The following LPP variants were observed in gnomAD, a reference collection of about 807,000 sequenced individuals.
LPP encodes the protein lipoma-preferred partner.
Under a neutral mutation model 60.4 loss-of-function variants are expected in LPP, and 38 were observed. The observed-to-expected ratio is 0.63, with a 90% CI of 0.49 to 0.83. LPP has a LOEUF of 0.83. LPP is among the 40% of genes least tolerant of loss of function. LPP has a pLI of 0.00. For missense variants in LPP, 902 were observed against 783.6 expected, an observed-to-expected ratio of 1.15 and a Z score of -1.80; for synonymous variants, 328 against 290.8, an observed-to-expected ratio of 1.13 and a Z score of -1.30.
intron 4 of LPP, among the ~76,000 whole-genome samples, chr3:188,472,102 A>C (rs1166879739): frequency 2.6e-5 from 4 of 152,220 alleles, no homozygotes. Flanking sequence ...TCAAATCACT[A>C]AAATTACTAA....
At chr3:188,347,492 G>C (rs985979711) in intron 3 of LPP, among the ~76,000 whole-genome samples, 2 of 152,178 alleles carry the variant, frequency 1.3e-5, no homozygotes, top group Non-Finnish European at 1.5e-5. Context: ...GAGATGAGGA[G>C]ATGAAGAGTA....
In LPP at chr3:188,282,178, A is replaced by G. The variant is rs1209611333; in HGVS notation, c.-67+56651A>G. 3.6e-5 allele frequency among the ~76,000 whole-genome samples: 5 copies of G among 137,196 alleles called. No homozygotes were observed. The Admixed American group carries it at 3.7e-4, about 10-fold the overall frequency. The allele number at this position is 137,196 out of a possible 152,430, so 90.0% of individuals were successfully genotyped here. ...TTCATACTTTCTTTATTATATTTTT[A>G]GTCTCTTGTCTTTAGCTTAATATGG... On this transcript the variant is annotated intron_variant, in intron 2 of 11. Coordinates refer to ENST00000617246, the MANE Select transcript of LPP (RefSeq NM_001375462.1).
intron 6 of LPP, among the ~76,000 whole-genome samples, chr3:188,594,348 T>G (rs560021659): frequency 6.6e-6 from 1 of 152,266 alleles, no homozygotes; most frequent in South Asian, 2.1e-4. Context: ...AGGACCCTGG[T>G]TCCCTGCTCT....
rs11448997 is a variant in LPP at position 188,878,759 on chromosome 3, TAAA to T, written c.*4294_*4296del. On this transcript the variant is annotated 3_prime_UTR_variant, in exon 12 of 12. Transcript: ENST00000617246. ...ATATACTCACCAAAAAGTAAAAAAG[TAAA>T]AAAAAAAAAAAAAGAAAGAAAGAAA... The T allele has an allele frequency of 3.3e-4, 52 of 156,504 alleles. No individual in the cohort carries two copies. The highest frequency in any genetic ancestry group is 9.2e-4 in the African/African-American group (32 of 34,918). The allele number at this position is 156,504 out of a possible 1,614,324, so 9.7% of individuals were successfully genotyped here. A position where few individuals can be genotyped will look rare whatever the true frequency, so the allele number is the denominator to read the frequency against.
At chr3:188,512,339 C>T (rs892689163) in intron 5 of LPP, among the ~76,000 whole-genome samples, 1 of 152,150 alleles carries the variant, frequency 6.6e-6, no homozygotes, top group Middle Eastern at 3.4e-3. Flanking sequence ...GGGTGGATCG[C>T]CTGAGGTCAG....
At chr3:188,417,799 GA>G (rs911884210) in intron 4 of LPP, among the ~76,000 whole-genome samples, 21 of 152,194 alleles carry the variant, frequency 1.4e-4, no homozygotes, top group African/African-American at 4.8e-4. Flanking sequence ...AGGCAAGAAA[GA>G]AAAAGCAAAA....
At chr3:188,545,844 G>A (rs1826500272) in intron 6 of LPP, among the ~76,000 whole-genome samples, 2 of 152,060 alleles carry the variant, frequency 1.3e-5, no homozygotes, top group Non-Finnish European at 2.9e-5. Flanking sequence ...GGTCCACCTG[G>A]GCTCAAAGAC....
intron 2 of LPP, among the ~76,000 whole-genome samples, chr3:188,280,071 A>G (rs1260804132): frequency 6.6e-6 from 1 of 152,170 alleles, no homozygotes. Flanking sequence ...TTAAGAGTTT[A>G]ATCAGGCCTG....
chr3:188,321,704 A>C (rs1757004581), intron 2 of LPP, among the ~76,000 whole-genome samples: 1 of 152,176 alleles, frequency 6.6e-6, no homozygotes, highest in African/African-American at 2.4e-5. Flanking sequence ...CCAGCCTTTG[A>C]GCTCTTTGAA....
chr3:188,554,873 A>C (rs768599054), intron 6 of LPP, among the ~76,000 whole-genome samples: 1 of 152,168 alleles, frequency 6.6e-6, no homozygotes, highest in Non-Finnish European at 1.5e-5. Context: ...GGGTACAGCT[A>C]TGCATAAAAC....
Position 188,253,245 on chromosome 3 carries a change from A to C in LPP, c.-67+27718A>C, listed in dbSNP as rs146990570. ...GTTTTATTTTCTTTTCAGTCATATA[A>C]AATTTTTATACTTATAGAGACAAAT... On this transcript the variant is annotated intron_variant, in intron 2 of 11. Transcript: ENST00000617246. 2.6e-5 allele frequency among the ~76,000 whole-genome samples: 4 copies of C among 152,172 alleles called. No individual in the cohort carries two copies. The East Asian group carries it at 7.7e-4, about 29-fold the overall frequency.
intron 5 of LPP, among the ~76,000 whole-genome samples, chr3:188,490,893 C>T (rs963118242): frequency 5.3e-5 from 8 of 151,082 alleles, no homozygotes; most frequent in African/African-American, 1.9e-4. Context: ...TAGCTGGGAC[C>T]ACAGGCACCC....
intron 7 of LPP, among the ~76,000 whole-genome samples, chr3:188,672,094 T>C (rs1450897130): frequency 6.6e-6 from 1 of 152,216 alleles, no homozygotes; most frequent in Non-Finnish European, 1.5e-5. Flanking sequence ...ACACTTGAGG[T>C]ATCAAACTGA....
In LPP at chr3:188,825,312, TG is replaced by T. The variant is rs1464864472; in HGVS notation, c.1411-40887del. 3.5e-5 allele frequency among the ~76,000 whole-genome samples: 5 copies of T among 144,378 alleles called. No individual in the cohort carries two copies. The East Asian group carries it at 9.7e-4, about 28-fold the overall frequency. 94.7% of individuals were successfully genotyped at this position (144,378 alleles called of 152,430 possible). ...GTGTGTGTGTGTGTGTGTGTGTGTGTGTGTAGGATCACTGGAGTATGGTGGT... is the reference window on the plus strand; with the variant it reads ...GTGTGTGTGTGTGTGTGTGTGTGTGTTGTAGGATCACTGGAGTATGGTGGT... On this transcript the variant is annotated intron_variant, in intron 9 of 11. Transcript: ENST00000617246.
At chr3:188,458,476 C>A (rs1798262598) in intron 4 of LPP, among the ~76,000 whole-genome samples, 1 of 152,092 alleles carries the variant, frequency 6.6e-6, no homozygotes, top group South Asian at 2.1e-4. Context: ...GTATGCTTTT[C>A]AATTTTTAAA....
At position 188,560,876 on chromosome 3, in the gene LPP, T is replaced by A. The variant is rs73054786; in HGVS notation, c.429+36089T>A. Among the ~76,000 whole-genome samples the A allele has an allele frequency of 4.7e-3, 721 of 152,142 alleles. 7 individuals are homozygous for A. The highest frequency in any genetic ancestry group is 0.016 in the African/African-American group (685 of 41,528). ...TTATTCATTAGTATTGAAGTCTCAG[T>A]AGTAACTCCTGAAGATGGGGATTCT... On this transcript the variant is annotated intron_variant, in intron 6 of 11. Transcript: ENST00000617246.
chr3:188,427,921 G>A (rs999112503), intron 4 of LPP, among the ~76,000 whole-genome samples: 7 of 151,960 alleles, frequency 4.6e-5, no homozygotes, highest in African/African-American at 1.5e-4. Flanking sequence ...GGGAGTGAAC[G>A]GTTCTGTCTC....
chr3:188,884,419 T>C lies in LPP; in HGVS notation c.*9940T>C, dbSNP rs1385142698. The C allele has an allele frequency of 4.3e-6, 1 of 230,000 alleles. No homozygotes were observed. Among genetic ancestry groups the C allele is most frequent in the East Asian group, 6.2e-5 (1 of 16,124 alleles). 14.2% of individuals were successfully genotyped at this position (230,000 alleles called of 1,614,324 possible). A position where few individuals can be genotyped will look rare whatever the true frequency, so the allele number is the denominator to read the frequency against. On this transcript the variant is annotated 3_prime_UTR_variant, in exon 12 of 12. Coordinates refer to ENST00000617246, the MANE Select transcript of LPP (RefSeq NM_001375462.1). ...CTGCCAGGTGGCAAATCCACATGTG[T>C]ACTGCGGTCTTTAGAGATCATTTAG...
chr3:188,526,560 G>T (rs1463983926), intron 6 of LPP, among the ~76,000 whole-genome samples: 1 of 152,110 alleles, frequency 6.6e-6, no homozygotes, highest in Non-Finnish European at 1.5e-5. Flanking sequence ...CAAAGTACTG[G>T]GATTACAGGT....
Sources: allele counts gnomAD v4.1 joint callset (sites outside exome capture counted in the v4.1 genomes callset), GRCh38; gene constraint gnomAD v4.1.1; transcripts MANE v1.5; gene names NCBI Gene and HGNC (gene_info 2026-07-23, HGNC 2026-07-21).